Variants in MORC1 observed in about 807,000 individuals in gnomAD.
MORC1 encodes MORC family CW-type zinc finger protein 1.
Under a neutral mutation model 134.9 loss-of-function variants are expected in MORC1, and 59 were observed. The observed-to-expected ratio is 0.44, with a 90% CI of 0.35 to 0.54. The LOEUF (loss-of-function observed/expected upper bound fraction) is 0.54, where lower values mean the gene tolerates loss of function less well. Ranked by LOEUF, MORC1 falls within the 20% of genes least tolerant of loss-of-function variation. MORC1 has a pLI of 0.00. For missense variants in MORC1, 947 were observed against 1,134.5 expected (o/e 0.83, Z 2.37); for synonymous variants, 395 against 391.7 (o/e 1.01, Z -0.10).
chr3:109,100,396 T>G, intron 5 of MORC1, 21 bp downstream of exon 5: 1 of 1,560,066 alleles, frequency 6.4e-7, no homozygotes, highest in Non-Finnish European at 8.8e-7. Flanking sequence ...ATATATGTCT[T>G]AAGGGAAAAA....
intron 14 of MORC1, among the ~76,000 whole-genome samples, chr3:109,045,499 GAAGA>G (rs1402673175): frequency 1.6e-4 from 25 of 152,292 alleles, no homozygotes; most frequent in African/African-American, 6.0e-4. Flanking sequence ...ACACTGTTGA[GAAGA>G]ACCATGAGGC....
chr3:109,093,632 T>C (rs1378912434), intron 7 of MORC1, 91 bp from the exon 8 acceptor site: 3 of 928,982 alleles, frequency 3.2e-6, no homozygotes, highest in Non-Finnish European at 4.9e-6. Context: ...GAACTGAGTC[T>C]GCTATAAAAT....
At position 109,027,832 on chromosome 3, in the gene MORC1, T is replaced by A; in HGVS notation, c.1623A>T (p.Ser541=). 1.2e-6 allele frequency: 2 copies of A among 1,613,782 alleles called. No individual in the cohort carries two copies. The highest frequency in any genetic ancestry group is 1.3e-5 in the African/African-American group (1 of 74,996). The change falls in exon 17 of 28, where the codon TCA becomes TCT. Residue 541 remains serine (S), a synonymous_variant. Transcript: ENST00000232603. ...GCTTCTCTTTCTCATTTTTTGATGG[T>A]GATATTGTGCTCATGGTGCCCAGTG... ...SIPLGTMSTI[S]PSKNEKEKQL...
At position 109,046,282 on chromosome 3, in the gene MORC1, C is replaced by T. The variant is rs569744124; in HGVS notation, c.1330+8446G>A. Among the ~76,000 whole-genome samples the T allele has an allele frequency of 7.4e-4, 112 of 152,278 alleles. No individual in the cohort carries two copies. The South Asian group carries it at 7.9e-3, about 11-fold the overall frequency. On this transcript the variant is annotated intron_variant, in intron 14 of 27. Transcript: ENST00000232603. ...AGGGAGAGGGCTACAGGCCTCATTA[C>T]GGCAAATCTTCAAAAACAACACTGG...
At chr3:108,991,472 C>T (rs1424878219) in intron 21 of MORC1, among the ~76,000 whole-genome samples, 1 of 152,132 alleles carries the variant, frequency 6.6e-6, no homozygotes. Flanking sequence ...ATGGTGGTAT[C>T]ATTTACTCAG....
chr3:109,110,942 T>C (rs531957280), intron 2 of MORC1, among the ~76,000 whole-genome samples, 159 bp from the exon 3 acceptor site: 1 of 151,184 alleles, frequency 6.6e-6, no homozygotes, highest in Non-Finnish European at 1.5e-5. Context: ...ATAAGACCTA[T>C]GATTAGTCAT....
chr3:109,068,610 T>C (rs1220216119), intron 9 of MORC1, among the ~76,000 whole-genome samples: 1 of 152,236 alleles, frequency 6.6e-6, no homozygotes, highest in African/African-American at 2.4e-5. Flanking sequence ...ATCCACCTGT[T>C]GACTGATGGG....
chr3:108,987,606 G>C lies in MORC1; in HGVS notation c.2188-657C>G, dbSNP rs561255925. 5.7e-4 allele frequency among the ~76,000 whole-genome samples: 86 copies of C among 152,156 alleles called. 2 individuals are homozygous for C. The highest frequency in any genetic ancestry group is 1.9e-3 in the African/African-American group (77 of 41,512). On this transcript the variant is annotated intron_variant, in intron 21 of 27. Transcript: ENST00000232603. Reference sequence around the variant, plus strand: ...GGAGAGAGAGGATGGATATGTGCTGGTGTGCGATTGGGAGGCTGAGAGGGT... The same window carrying C: ...GGAGAGAGAGGATGGATATGTGCTGCTGTGCGATTGGGAGGCTGAGAGGGT...
At chr3:108,960,523 T>C (rs1012294861) in intron 27 of MORC1, among the ~76,000 whole-genome samples, 2 of 152,100 alleles carry the variant, frequency 1.3e-5, no homozygotes, top group Non-Finnish European at 2.9e-5. Context: ...AGAGCAAAGG[T>C]CATGACAACA....
intron 6 of MORC1, among the ~76,000 whole-genome samples, chr3:109,095,786 C>T (rs1950821090): frequency 6.6e-6 from 1 of 151,972 alleles, no homozygotes; most frequent in Non-Finnish European, 1.5e-5. Context: ...AAAAATCTGA[C>T]CAACCCAGAA....
intron 1 of MORC1, among the ~76,000 whole-genome samples, chr3:109,114,891 G>A (rs566540134): frequency 7.9e-5 from 12 of 152,346 alleles, no homozygotes; most frequent in African/African-American, 2.9e-4. Context: ...AAGCCCTTGC[G>A]TGCCTCACCA....
At chr3:108,995,013 G>A (rs564230363) in intron 21 of MORC1, among the ~76,000 whole-genome samples, 5 of 152,178 alleles carry the variant, frequency 3.3e-5, no homozygotes, top group African/African-American at 7.2e-5. Flanking sequence ...TACTTTTATC[G>A]TTTTTATGAA....
intron 21 of MORC1, among the ~76,000 whole-genome samples, chr3:108,998,449 G>A (rs773707319): frequency 5.5e-4 from 84 of 152,244 alleles, no homozygotes; most frequent in Non-Finnish European, 9.6e-4. Flanking sequence ...ACCTTTGGGG[G>A]TCAGGGGAGG....
At chr3:108,988,346 T>A (rs1050571689) in intron 21 of MORC1, among the ~76,000 whole-genome samples, 7 of 152,274 alleles carry the variant, frequency 4.6e-5, no homozygotes, top group Non-Finnish European at 8.8e-5. Context: ...TTTCAAAAAA[T>A]TTTTGTACTT....
At chr3:109,074,266 A>C (rs530745567) in intron 8 of MORC1, among the ~76,000 whole-genome samples, 15 of 152,200 alleles carry the variant, frequency 9.9e-5, no homozygotes, top group Non-Finnish European at 2.1e-4. Flanking sequence ...AGCCCCTTTG[A>C]TGACAGCCAA....
chr3:109,045,777 G>A (rs1949681906), intron 14 of MORC1, among the ~76,000 whole-genome samples: 1 of 152,154 alleles, frequency 6.6e-6, no homozygotes, highest in Non-Finnish European at 1.5e-5. Context: ...TGTGGCAGCT[G>A]CTGTCAGAAC....
chr3:109,109,050 C>A (rs573849197), intron 3 of MORC1, among the ~76,000 whole-genome samples: 2 of 152,144 alleles, frequency 1.3e-5, no homozygotes, highest in Non-Finnish European at 2.9e-5. Context: ...GTCAACCGAG[C>A]CTCAGCATTG....
In MORC1 at chr3:108,959,049, G is replaced by A. The variant is rs775306498; in HGVS notation, c.2871C>T (p.Leu957=). The change falls in exon 28 of 28, where the codon CTC becomes CTT. Residue 957 remains leucine (L), a synonymous_variant. Coordinates refer to ENST00000232603, the MANE Select transcript of MORC1 (RefSeq NM_014429.4). The part of the protein sequence containing the change: ...LEALLKEDNL[L]FQNNLNKVTI... The stretch of plus-strand genomic sequence containing the variant: ...TTACTTTATTTAAATTGTTCTGGAA[G>A]AGAAGATTATCTTCTTTAAGCAAAG... The A allele has an allele frequency of 1.3e-6, 2 of 1,570,302 alleles. No homozygotes were observed. Among genetic ancestry groups the A allele is most frequent in the South Asian group, 2.4e-5 (2 of 84,478 alleles).
chr3:109,108,099 G>A (rs1473409555), intron 3 of MORC1, among the ~76,000 whole-genome samples: 5 of 152,146 alleles, frequency 3.3e-5, no homozygotes, highest in African/African-American at 9.7e-5. Flanking sequence ...AGAGGCAGGA[G>A]AATTGCTTGA....
Sources: allele counts gnomAD v4.1 joint callset (sites outside exome capture counted in the v4.1 genomes callset), GRCh38; gene constraint gnomAD v4.1.1; transcripts MANE v1.5; gene names NCBI Gene and HGNC (gene_info 2026-07-23, HGNC 2026-07-21).